The following C1orf21 variants were observed in gnomAD, a reference collection of about 807,000 sequenced individuals.
C1orf21 encodes chromosome 1 open reading frame 21.
In C1orf21, 3 loss-of-function variants were observed where a neutral mutation model predicts 18.7. The ratio of observed to expected loss-of-function variants is 0.16; its 90% confidence interval spans 0.07 to 0.42. C1orf21 has a LOEUF of 0.42. Ranked by LOEUF, C1orf21 falls within the 10% of genes least tolerant of loss-of-function variation. C1orf21 has a pLI of 0.99. For synonymous variants in C1orf21, 41 were observed against 46.4 expected (o/e 0.88, Z 0.47); for missense variants, 104 against 143.6 (o/e 0.72, Z 1.41).
At chr1:184,518,645 C>G (rs1488938396) in intron 3 of C1orf21, among the ~76,000 whole-genome samples, 1 of 152,178 alleles carries the variant, frequency 6.6e-6, no homozygotes, top group Non-Finnish European at 1.5e-5. Flanking sequence ...ATGCTCAACA[C>G]TGAACTGACC....
intron 1 of C1orf21, among the ~76,000 whole-genome samples, chr1:184,442,429 C>T (rs1224720781): frequency 3.9e-5 from 6 of 152,112 alleles, no homozygotes; most frequent in Admixed American, 3.3e-4. Context: ...ATAAAGATTA[C>T]GTGAAAAGTG....
chr1:184,440,954 A>G (rs1412217634), intron 1 of C1orf21, among the ~76,000 whole-genome samples: 4 of 152,202 alleles, frequency 2.6e-5, no homozygotes, highest in Admixed American at 1.3e-4. Flanking sequence ...AGTTCTCCTT[A>G]TTCAGTATTT....
intron 2 of C1orf21, among the ~76,000 whole-genome samples, chr1:184,500,532 G>C (rs753165313): frequency 9.7e-4 from 148 of 152,256 alleles, no homozygotes; most frequent in Non-Finnish European, 2.0e-3. Context: ...CAAGACCCTA[G>C]GATTGCTAAG....
Position 184,496,196 on chromosome 1 carries a change from G to A in C1orf21, c.95-11392G>A, listed in dbSNP as rs551819338. Among the ~76,000 whole-genome samples the A allele has an allele frequency of 3.9e-5, 6 of 152,292 alleles. No individual in the cohort carries two copies. In the South Asian group the frequency reaches 1.2e-3, roughly 32 times the overall value. On this transcript the variant is annotated intron_variant, in intron 2 of 5. Coordinates refer to ENST00000235307, the MANE Select transcript of C1orf21 (RefSeq NM_030806.4). ...GAGCATCCTGAAGGAGACACAAACA[G>A]ATAATTTCTGGGCTCTCCTCAGTTA...
At chr1:184,444,199 C>G (rs1341496605) in intron 1 of C1orf21, among the ~76,000 whole-genome samples, 1 of 152,162 alleles carries the variant, frequency 6.6e-6, no homozygotes, top group African/African-American at 2.4e-5. Context: ...TGTACAGTAA[C>G]TACCTTGGTT....
At chr1:184,454,169 A>C (rs1657161202) in intron 1 of C1orf21, among the ~76,000 whole-genome samples, 3 of 152,244 alleles carry the variant, frequency 2.0e-5, no homozygotes, top group Admixed American at 2.0e-4. Context: ...ACTGAGAATC[A>C]AAGGAAAGGA....
At chr1:184,612,448 G>A (rs1331365891) in intron 5 of C1orf21, among the ~76,000 whole-genome samples, 5 of 152,312 alleles carry the variant, frequency 3.3e-5, no homozygotes, top group Middle Eastern at 3.4e-3. Context: ...GGCTGAGGCC[G>A]GGTGTGGTGA....
chr1:184,529,253 T>A (rs1658422055), intron 3 of C1orf21, among the ~76,000 whole-genome samples: 1 of 152,224 alleles, frequency 6.6e-6, no homozygotes, highest in Admixed American at 6.5e-5. Context: ...GTAACATTTC[T>A]TGAGTGTTTA....
At chr1:184,478,952 T>C (rs1657612625) in intron 2 of C1orf21, among the ~76,000 whole-genome samples, 1 of 145,402 alleles carries the variant, frequency 6.9e-6, no homozygotes, top group African/African-American at 2.6e-5. Context: ...TCTACTACTT[T>C]TAGAATCTCT....
intron 1 of C1orf21, among the ~76,000 whole-genome samples, chr1:184,438,889 G>A (rs186152042): frequency 3.3e-5 from 5 of 152,208 alleles, no homozygotes; most frequent in South Asian, 2.1e-4. Context: ...AAGATATGTC[G>A]TTGGGTTGCA....
At chr1:184,486,190 A>G (rs528258866) in intron 2 of C1orf21, among the ~76,000 whole-genome samples, 2 of 152,320 alleles carry the variant, frequency 1.3e-5, no homozygotes, top group Admixed American at 6.5e-5. Flanking sequence ...GGTGCTCAAA[A>G]TATGTTAGTT....
At chr1:184,535,443 T>C (rs969817170) in intron 3 of C1orf21, among the ~76,000 whole-genome samples, 1 of 152,130 alleles carries the variant, frequency 6.6e-6, no homozygotes, top group Non-Finnish European at 1.5e-5. Flanking sequence ...ACCAATAAGG[T>C]CAGATGTTTT....
intron 1 of C1orf21, among the ~76,000 whole-genome samples, chr1:184,446,745 G>A (rs1224302872): frequency 6.6e-6 from 1 of 151,206 alleles, no homozygotes; most frequent in Non-Finnish European, 1.5e-5. Context: ...AAAAATATGA[G>A]GCCACTGGGG....
intron 5 of C1orf21, among the ~76,000 whole-genome samples, chr1:184,612,131 C>CA (rs1358713411): frequency 1.3e-5 from 2 of 152,168 alleles, no homozygotes; most frequent in African/African-American, 4.8e-5. Context: ...CAGCAACTAA[C>CA]AGAGATTCCC....
At chr1:184,502,612 T>C (rs182312727) in intron 2 of C1orf21, among the ~76,000 whole-genome samples, 1 of 152,116 alleles carries the variant, frequency 6.6e-6, no homozygotes, top group East Asian at 1.9e-4. Context: ...TTAGTGACAT[T>C]AACATTTTTG....
At chr1:184,426,364 G>A (rs1340135687) in intron 1 of C1orf21, among the ~76,000 whole-genome samples, 5 of 152,108 alleles carry the variant, frequency 3.3e-5, no homozygotes, top group African/African-American at 4.8e-5. Context: ...CCCTCAGAGC[G>A]ATCTTTTAAA....
chr1:184,412,075 T>G (rs1050780218), intron 1 of C1orf21: 24 of 152,162 alleles, frequency 1.6e-4, no homozygotes, highest in African/African-American at 5.3e-4. Context: ...CATTGGGGGG[T>G]TTTATATTTC....
intron 1 of C1orf21, among the ~76,000 whole-genome samples, chr1:184,450,479 G>A (rs1409934493): frequency 6.6e-6 from 1 of 152,154 alleles, no homozygotes; most frequent in African/African-American, 2.4e-5. Context: ...TTAATAGGAA[G>A]AATGAGAAAT....
intron 3 of C1orf21, among the ~76,000 whole-genome samples, chr1:184,512,584 A>T (rs1658166412): frequency 6.6e-6 from 1 of 152,174 alleles, no homozygotes; most frequent in Admixed American, 6.5e-5. Context: ...CTTCTCTCAG[A>T]CTTTAATTCC....
Sources: allele counts gnomAD v4.1 joint callset (sites outside exome capture counted in the v4.1 genomes callset), GRCh38; gene constraint gnomAD v4.1.1; transcripts MANE v1.5; gene names NCBI Gene and HGNC (gene_info 2026-07-23, HGNC 2026-07-21).